The following ATP10B variants were observed in gnomAD, a reference collection of about 807,000 sequenced individuals.
The protein encoded by ATP10B is ATPase phospholipid transporting 10B (putative).
Under a neutral mutation model 141.2 loss-of-function variants are expected in ATP10B, and 122 were observed. That is an observed-to-expected ratio of 0.86 (90% CI 0.75 to 1.00). The LOEUF (loss-of-function observed/expected upper bound fraction) is 1.00. ATP10B is among the 50% of genes least tolerant of loss of function. The pLI, the probability that ATP10B is intolerant of heterozygous loss-of-function variation, is 0.00. For synonymous variants in ATP10B, 685 were observed against 692.0 expected, an observed-to-expected ratio of 0.99 and a Z score of 0.16; for missense variants, 1,876 against 1,825.3, an observed-to-expected ratio of 1.03 and a Z score of -0.51.
At chr5:160,783,056 T>C (rs983988574) in intron 2 of ATP10B, among the ~76,000 whole-genome samples, 2 of 152,028 alleles carry the variant, frequency 1.3e-5, no homozygotes, top group African/African-American at 4.8e-5. Context: ...CATAAGTTAT[T>C]GTGGTACAGT....
intron 9 of ATP10B, 26 bp downstream of exon 9, chr5:160,644,112 A>G: frequency 6.3e-7 from 1 of 1,596,486 alleles, no homozygotes; most frequent in African/African-American, 1.3e-5. Flanking sequence ...GAAAATTCAG[A>G]CAAAAGAAAC....
intron 24 of ATP10B, among the ~76,000 whole-genome samples, chr5:160,582,095 CTT>C (rs1191502681): frequency 6.6e-6 from 1 of 152,140 alleles, no homozygotes; most frequent in African/African-American, 2.4e-5. Context: ...GGTCTTGACT[CTT>C]TATCCAATTT....
the ATP10B span, among the ~76,000 whole-genome samples, chr5:160,900,923 T>G: frequency 1.7e-4 from 25 of 150,216 alleles, 1 homozygote; most frequent in South Asian, 4.9e-3. Context: ...TTTTTTTTTT[T>G]TTTTTTTTTT....
At chr5:160,571,714 T>C (rs190041995) in intron 24 of ATP10B, among the ~76,000 whole-genome samples, 4 of 152,328 alleles carry the variant, frequency 2.6e-5, no homozygotes, top group Non-Finnish European at 5.9e-5. Context: ...TTTGCAATCG[T>C]TGGGCACTGC....
the ATP10B span, among the ~76,000 whole-genome samples, chr5:160,873,775 A>T: frequency 1.2e-4 from 18 of 152,340 alleles, no homozygotes; most frequent in East Asian, 3.3e-3. Flanking sequence ...GGGGTGACAG[A>T]CGGCACCAGG....
chr5:160,890,993 ATGTGTGTGCGTG>A, the ATP10B span, among the ~76,000 whole-genome samples: 1 of 126,018 alleles, frequency 7.9e-6, no homozygotes, highest in African/African-American at 2.7e-5. Context: ...GTTTACGTGT[ATGTGTGTGCGTG>A]TGTGTGTGTG....
chr5:160,607,740 T>A (rs1757475850), intron 18 of ATP10B, among the ~76,000 whole-genome samples: 1 of 152,224 alleles, frequency 6.6e-6, no homozygotes, highest in African/African-American at 2.4e-5. Context: ...TTGATGGAAA[T>A]AAACTTATTA....
the ATP10B span, among the ~76,000 whole-genome samples, chr5:160,901,163 G>C: frequency 0.46 from 70,130 of 151,788 alleles, 17,293 homozygotes; most frequent in Non-Finnish European, 0.54. Context: ...CAAATATTGC[G>C]AACTTCACAC....
At chr5:160,583,668 G>A (rs183378257) in intron 24 of ATP10B, among the ~76,000 whole-genome samples, 170 of 152,334 alleles carry the variant, frequency 1.1e-3, no homozygotes, top group African/African-American at 4.0e-3. Context: ...AGGGAGAGGG[G>A]AGTTTTATCT....
At chr5:160,657,327 T>C (rs1581287199) in intron 7 of ATP10B, among the ~76,000 whole-genome samples, 1 of 152,324 alleles carries the variant, frequency 6.6e-6, no homozygotes, top group East Asian at 1.9e-4. Flanking sequence ...TAATGACAGT[T>C]ACCAGCATTT....
At chr5:160,736,041 T>G (rs1767092804) in intron 2 of ATP10B, among the ~76,000 whole-genome samples, 3 of 151,982 alleles carry the variant, frequency 2.0e-5, no homozygotes, top group African/African-American at 7.2e-5. Context: ...GAGGAAAAAC[T>G]TCAAGTAAAC....
At chr5:160,914,027 C>G in the ATP10B span, among the ~76,000 whole-genome samples, 1 of 152,038 alleles carries the variant, frequency 6.6e-6, no homozygotes, top group Non-Finnish European at 1.5e-5. Flanking sequence ...TGTTAATTGC[C>G]AAATTGTTCA....
intron 2 of ATP10B, among the ~76,000 whole-genome samples, chr5:160,783,443 TCA>T (rs574098821): frequency 9.6e-6 from 1 of 104,216 alleles, no homozygotes; most frequent in African/African-American, 3.6e-5. Context: ...GATATATCCA[TCA>T]CATATATATA....
intron 1 of ATP10B, among the ~76,000 whole-genome samples, chr5:160,809,368 TAGAAAG>T (rs1215308882): frequency 6.6e-6 from 1 of 152,202 alleles, no homozygotes; most frequent in African/African-American, 2.4e-5. Context: ...CTATGGCCAC[TAGAAAG>T]ATAGATGACC....
At chr5:160,670,355 C>A in intron 7 of ATP10B, 108 bp downstream of exon 7, 1 of 994,620 alleles carries the variant, frequency 1.0e-6, no homozygotes, top group Non-Finnish European at 1.6e-6. Context: ...GAAAAGGAGG[C>A]ATCTACTACT....
intron 13 of ATP10B, among the ~76,000 whole-genome samples, chr5:160,628,664 C>T (rs534333886): frequency 1.3e-5 from 2 of 152,104 alleles, no homozygotes; most frequent in South Asian, 4.1e-4. Flanking sequence ...GGCCCCAATA[C>T]AAATTTTATG....
chr5:160,825,116 C>G (rs547746316), intron 1 of ATP10B, among the ~76,000 whole-genome samples: 1 of 152,086 alleles, frequency 6.6e-6, no homozygotes, highest in Non-Finnish European at 1.5e-5. Flanking sequence ...TCTCTCTACC[C>G]CACTCTGCTG....
intron 1 of ATP10B, among the ~76,000 whole-genome samples, chr5:160,811,001 CCAGT>C (rs949582122): frequency 6.6e-6 from 1 of 152,180 alleles, no homozygotes; most frequent in African/African-American, 2.4e-5. Context: ...GGATAGGGCA[CCAGT>C]CAGAGTTTTG....
intron 2 of ATP10B, among the ~76,000 whole-genome samples, chr5:160,762,468 T>C (rs1348609712): frequency 1.3e-5 from 2 of 152,166 alleles, no homozygotes; most frequent in Non-Finnish European, 1.5e-5. Flanking sequence ...CTAAGCTTTA[T>C]AAATAAAGGA....
Sources: allele counts gnomAD v4.1 joint callset (sites outside exome capture counted in the v4.1 genomes callset), GRCh38; gene constraint gnomAD v4.1.1; transcripts MANE v1.5; gene names NCBI Gene and HGNC (gene_info 2026-07-23, HGNC 2026-07-21).